The following LCA5 variants were observed in gnomAD, a reference collection of about 807,000 sequenced individuals.
LCA5 encodes the protein lebercilin LCA5, also known as lebercilin.
LCA5 carries 37 observed loss-of-function variants against 53.0 expected under a neutral mutation model. The ratio of observed to expected loss-of-function variants is 0.70; its 90% CI spans 0.54 to 0.92. The LOEUF (loss-of-function observed/expected upper bound fraction) is 0.92. Among genes scored for constraint, LCA5 ranks in the 40% least tolerant of loss-of-function variants. The probability of loss-of-function intolerance (pLI) is 0.00; values close to 1 mark genes in which losing one functional copy is unlikely to be tolerated. For missense variants in LCA5, 806 were observed against 790.5 expected (o/e 1.02, Z -0.23); for synonymous variants, 303 against 282.9 (o/e 1.07, Z -0.71).
chr6:79,490,433 G>A (rs1290058152), intron 6 of LCA5, among the ~76,000 whole-genome samples: 1 of 152,116 alleles, frequency 6.6e-6, no homozygotes, highest in Non-Finnish European at 1.5e-5. Context: ...TAACTAAAAT[G>A]AGAGCTAACT....
intron 3 of LCA5, among the ~76,000 whole-genome samples, chr6:79,494,478 T>G (rs1245115896): frequency 2.6e-5 from 4 of 151,998 alleles, no homozygotes; most frequent in Non-Finnish European, 5.9e-5. Flanking sequence ...GCGGGCTTTT[T>G]TTAAAGCATC....
At chr6:79,519,356 T>G (rs547360720) in intron 1 of LCA5, among the ~76,000 whole-genome samples, 1 of 152,318 alleles carries the variant, frequency 6.6e-6, no homozygotes, top group East Asian at 1.9e-4. Flanking sequence ...AGAGTTATAC[T>G]AGAGGCAAAT....
At chr6:79,523,743 C>T (rs1766695419) in intron 1 of LCA5, among the ~76,000 whole-genome samples, 1 of 151,976 alleles carries the variant, frequency 6.6e-6, no homozygotes, top group African/African-American at 2.4e-5. Context: ...GAGGGGCCCA[C>T]CAACTTTCTA....
rs1186600263 is a variant in LCA5, at chr6:79,486,228, T to G, written c.*776A>C. On this transcript the variant is annotated 3_prime_UTR_variant, in exon 8 of 8. Coordinates refer to ENST00000369846, the MANE Select transcript of LCA5 (RefSeq NM_001122769.3). ...ATTCCTTGCATTTGGCATGAAATCT[T>G]ACACCCAGTCACTGAGATACAAAGA... is the stretch of plus-strand genomic sequence containing the variant. The G allele has an allele frequency of 2.6e-5, 4 of 152,218 alleles. No homozygotes were observed. The highest frequency in any genetic ancestry group is 2.1e-4 in the South Asian group (1 of 4,834). 9.4% of individuals were successfully genotyped at this position (152,218 alleles called of 1,614,324 possible). A position where few individuals can be genotyped will look rare whatever the true frequency, so the allele number is the denominator to read the frequency against.
chr6:79,491,486 T>A lies in LCA5; in HGVS notation c.1098+102A>T, dbSNP rs1243216485. ...AAGGCTAGTCGCATATTCATATAGA[T>A]ATAGTACTAGCTTCATTACTGAAAT... On this transcript the variant is annotated intron_variant, in intron 6 of 7. Transcript: ENST00000369846. The A allele has an allele frequency of 7.0e-5, 83 of 1,193,806 alleles. 1 individual carries two copies. Among genetic ancestry groups the A allele is most frequent in the Non-Finnish European group, 1.0e-4 (80 of 803,222 alleles). The allele number at this position is 1,193,806 out of a possible 1,614,324, so 74.0% of individuals were successfully genotyped here.
In LCA5 at chr6:79,485,770, T is replaced by G. The variant is rs1028375075; in HGVS notation, c.*1234A>C. ...TAGAATAAGTGCCAATCTAAATTTT[T>G]TATTCTTCCCAACACACTATTTCCA... On this transcript the variant is annotated 3_prime_UTR_variant, in exon 8 of 8. Transcript: ENST00000369846. 1.3e-5 allele frequency: 2 copies of G among 152,278 alleles called. No homozygotes were observed. Among genetic ancestry groups the G allele is most frequent in the South Asian group, 2.1e-4 (1 of 4,826 alleles). 9.4% of individuals were successfully genotyped at this position (152,278 alleles called of 1,614,324 possible).
At chr6:79,496,601 C>T (rs561141829) in intron 3 of LCA5, among the ~76,000 whole-genome samples, 4 of 152,014 alleles carry the variant, frequency 2.6e-5, no homozygotes, top group Admixed American at 6.6e-5. Context: ...TATGACTCCA[C>T]GTATATAAAA....
In LCA5 at chr6:79,490,396, A is replaced by T. The variant is rs539502018; in HGVS notation, c.1099-1180T>A. 1.1e-4 allele frequency among the ~76,000 whole-genome samples: 16 copies of T among 152,276 alleles called. No individual in the cohort carries two copies. The South Asian group carries it at 3.3e-3, about 32-fold the overall frequency. ...TACATGAGAAAGCTGAGGCTCCAAGAAGTCACACAACTAAAATGTTAGAAT... is the reference window on the plus strand; with the variant it reads ...TACATGAGAAAGCTGAGGCTCCAAGTAGTCACACAACTAAAATGTTAGAAT... On this transcript the variant is annotated intron_variant, in intron 6 of 7. Transcript: ENST00000369846.
At chr6:79,503,915 T>C (rs1460687545) in intron 3 of LCA5, among the ~76,000 whole-genome samples, 5 of 152,250 alleles carry the variant, frequency 3.3e-5, no homozygotes, top group African/African-American at 1.2e-4. Context: ...AAATTTGACC[T>C]TGAATTCTAA....
upstream of LCA5, among the ~76,000 whole-genome samples, chr6:79,537,756 T>TAA (rs1767200294): frequency 1.3e-5 from 2 of 152,236 alleles, no homozygotes; most frequent in African/African-American, 4.8e-5. Flanking sequence ...CTGCGTAATG[T>TAA]AAAACACTTA....
intron 2 of LCA5, among the ~76,000 whole-genome samples, chr6:79,516,127 T>A: frequency 6.9e-6 from 1 of 145,886 alleles, no homozygotes; most frequent in African/African-American, 2.5e-5. Flanking sequence ...TTTCATTTGT[T>A]TTTTTTTTAA....
At chr6:79,516,142 G>T (rs1766430832) in intron 2 of LCA5, among the ~76,000 whole-genome samples, 1 of 150,768 alleles carries the variant, frequency 6.6e-6, no homozygotes, top group Non-Finnish European at 1.5e-5. Context: ...TTTTAACCTG[G>T]TTACTAGAAA....
chr6:79,530,095 T>TG (rs1766913386), intron 1 of LCA5, among the ~76,000 whole-genome samples: 1 of 152,034 alleles, frequency 6.6e-6, no homozygotes, highest in Non-Finnish European at 1.5e-5. Context: ...CCCTAGAACT[T>TG]GAAGTATAAT....
intron 3 of LCA5, among the ~76,000 whole-genome samples, chr6:79,498,171 C>G (rs941640783): frequency 5.6e-5 from 6 of 107,720 alleles, no homozygotes; most frequent in South Asian, 3.0e-4. Flanking sequence ...CCTCAAATAG[C>G]TAAAAAAAAA....
chr6:79,525,558 C>T, intron 1 of LCA5, among the ~76,000 whole-genome samples: 1 of 152,300 alleles, frequency 6.6e-6, no homozygotes, highest in African/African-American at 2.4e-5. Flanking sequence ...AGGGACTGGG[C>T]CCAAATGCAG....
At chr6:79,502,144 T>C (rs1453085662) in intron 3 of LCA5, among the ~76,000 whole-genome samples, 1 of 152,182 alleles carries the variant, frequency 6.6e-6, no homozygotes, top group Non-Finnish European at 1.5e-5. Flanking sequence ...CTTTTTTCAC[T>C]TTCTCACTTC....
chr6:79,529,393 TG>T (rs1182271091), intron 1 of LCA5, among the ~76,000 whole-genome samples: 4 of 152,112 alleles, frequency 2.6e-5, no homozygotes, highest in African/African-American at 4.8e-5. Context: ...AGCCTGCAAA[TG>T]TAACAAACCG....
chr6:79,520,086 C>G (rs1766583114), intron 1 of LCA5, among the ~76,000 whole-genome samples: 1 of 151,672 alleles, frequency 6.6e-6, no homozygotes, highest in African/African-American at 2.4e-5. Flanking sequence ...ACCTTTGATA[C>G]AATAATTTCT....
At chr6:79,499,934 A>T (rs1770089688) in intron 3 of LCA5, among the ~76,000 whole-genome samples, 1 of 148,186 alleles carries the variant, frequency 6.7e-6, no homozygotes, top group Admixed American at 6.8e-5. Flanking sequence ...CCTATGAGTG[A>T]GAATATGCGG....
Sources: allele counts gnomAD v4.1 joint callset (sites outside exome capture counted in the v4.1 genomes callset), GRCh38; gene constraint gnomAD v4.1.1; transcripts MANE v1.5; gene names NCBI Gene and HGNC (gene_info 2026-07-23, HGNC 2026-07-21).